DISC1: variants seen among roughly 807,000 people sequenced by gnomAD.
The protein encoded by DISC1 is DISC1 scaffold protein.
DISC1 carries 57 observed loss-of-function variants against 84.5 expected under a neutral mutation model. That is an observed-to-expected ratio of 0.67 (90% CI 0.55 to 0.84). The LOEUF (loss-of-function observed/expected upper bound fraction) is 0.84. DISC1 is among the 40% of genes least tolerant of loss of function. DISC1 has a pLI of 0.00. For synonymous variants in DISC1, 411 were observed against 415.2 expected (o/e 0.99, Z 0.12); for missense variants, 1,000 against 1,057.8 (o/e 0.95, Z 0.76).
chr1:231,634,928 A>G (rs1362781752), intron 1 of DISC1, among the ~76,000 whole-genome samples: 1 of 151,908 alleles, frequency 6.6e-6, no homozygotes, highest in Non-Finnish European at 1.5e-5. Flanking sequence ...TCTCAAAAAA[A>G]AAATGAAAAA....
intron 9 of DISC1, among the ~76,000 whole-genome samples, chr1:231,908,536 T>G (rs1315445651): frequency 6.6e-6 from 1 of 152,194 alleles, no homozygotes; most frequent in Non-Finnish European, 1.5e-5. Context: ...TTGGTCTATA[T>G]CTCTGTTTTG....
rs553093247 is a variant in DISC1 at position 231,809,370 on chromosome 1, G to A, written c.1793-8959G>A. Among the ~76,000 whole-genome samples, 334 of 151,864 alleles carry A rather than the reference G, an allele frequency of 2.2e-3. 2 individuals carry two copies. The highest frequency in any genetic ancestry group is 7.6e-3 in the African/African-American group (317 of 41,446). On this transcript the variant is annotated intron_variant, in intron 8 of 12. Coordinates refer to ENST00000439617, the MANE Select transcript of DISC1 (RefSeq NM_018662.3). Reference sequence around the variant, plus strand: ...AGACATCTGCCTGGTTCTTAGATTGGCCATCTTTGGTCTCACCTCAGTTTG... The same window carrying A: ...AGACATCTGCCTGGTTCTTAGATTGACCATCTTTGGTCTCACCTCAGTTTG...
rs3737597 is a variant in DISC1, at chr1:232,037,092, G to A, written c.*261G>A. The A allele has an allele frequency of 0.038, 10,510 of 277,472 alleles. 427 individuals are homozygous for A. The highest frequency in any genetic ancestry group is 0.18 in the East Asian group (2,804 of 15,624). 17.2% of individuals were successfully genotyped at this position (277,472 alleles called of 1,614,324 possible). A position where few individuals can be genotyped will look rare whatever the true frequency, so the allele number is the denominator to read the frequency against. On this transcript the variant is annotated 3_prime_UTR_variant, in exon 13 of 13. Coordinates refer to ENST00000439617, the MANE Select transcript of DISC1 (RefSeq NM_018662.3). Reference sequence around the variant, plus strand: ...AAATTTCTTTTCCATGTCATTCTTGGGAATGTCTTCCACAGGATTTGAGAA... The same window carrying A: ...AAATTTCTTTTCCATGTCATTCTTGAGAATGTCTTCCACAGGATTTGAGAA...
intron 1 of DISC1, among the ~76,000 whole-genome samples, chr1:231,642,508 G>C (rs904134825): frequency 6.6e-6 from 1 of 152,258 alleles, no homozygotes; most frequent in Admixed American, 6.5e-5. Flanking sequence ...AGATGATTCA[G>C]TGTGGATGAT....
chr1:231,711,453 G>A lies in DISC1; in HGVS notation c.1117+9429G>A, dbSNP rs546643767. On this transcript the variant is annotated intron_variant, in intron 3 of 12. Coordinates refer to ENST00000439617, the MANE Select transcript of DISC1 (RefSeq NM_018662.3). The stretch of plus-strand genomic sequence containing the variant: ...TGGCTCACTGCAAGCTCCGCCTCCC[G>A]GGTTCATGCCACTCTCCTGCCTCAG... 8.8e-5 allele frequency among the ~76,000 whole-genome samples: 13 copies of A among 148,474 alleles called. 2 individuals carry two copies. The highest frequency in any genetic ancestry group is 2.0e-4 in the African/African-American group (8 of 39,944).
chr1:232,024,923 T>A (rs1292328874), intron 11 of DISC1, among the ~76,000 whole-genome samples: 3 of 152,218 alleles, frequency 2.0e-5, no homozygotes, highest in Non-Finnish European at 4.4e-5. Flanking sequence ...TCTAAGCTTT[T>A]CACTCTTAGT....
At position 231,950,204 on chromosome 1, in the gene DISC1, C is replaced by CTGTGTGTGTGTGTGTGTGTG. The variant is rs59801477; in HGVS notation, c.1982-8599_1982-8580dup. Among the ~76,000 whole-genome samples the CTGTGTGTGTGTGTGTGTGTG allele has an allele frequency of 4.3e-5, 6 of 139,524 alleles. No homozygotes were observed. In the East Asian group the frequency reaches 6.4e-4, roughly 15 times the overall value. 91.5% of individuals were successfully genotyped at this position (139,524 alleles called of 152,430 possible). On this transcript the variant is annotated intron_variant, in intron 9 of 12. Transcript: ENST00000439617. Reference sequence around the variant, plus strand: ...CTATAAAAAAGAATGAAAAAAAATTCTGTGTGTGTGTGTGTGTGTGTGTGT... The same window carrying CTGTGTGTGTGTGTGTGTGTG: ...CTATAAAAAAGAATGAAAAAAAATTCTGTGTGTGTGTGTGTGTGTGTGTGTGTGTGTGTGTGTGTGTGTGT...
rs2065989149 is a variant in DISC1 at position 231,698,499 on chromosome 1, T to C, written c.1048-3456T>C. ...AATGAAGGACTCTGCCTGTAGAGTA[T>C]TATAGGACGTTCCACAGGCAGGGTT... On this transcript the variant is annotated intron_variant, in intron 2 of 12. Coordinates refer to ENST00000439617, the MANE Select transcript of DISC1 (RefSeq NM_018662.3). This position sits in a 1 kb window ranked among gnomAD's most constrained non-coding sequence, Gnocchi z 4.9. 6.6e-6 allele frequency among the ~76,000 whole-genome samples: 1 copy of C among 152,078 alleles called. No individual in the cohort carries two copies. The highest frequency in any genetic ancestry group is 6.5e-5 in the Admixed American group (1 of 15,272).
chr1:231,973,216 T>G (rs1255758986), intron 10 of DISC1, among the ~76,000 whole-genome samples: 2 of 152,122 alleles, frequency 1.3e-5, no homozygotes, highest in Non-Finnish European at 1.5e-5. Context: ...CTGGCTAATC[T>G]TTGTATTTTT....
chr1:231,657,888 G>A (rs980543522), intron 1 of DISC1, among the ~76,000 whole-genome samples: 1 of 152,160 alleles, frequency 6.6e-6, no homozygotes, highest in African/African-American at 2.4e-5. Context: ...CTGTAGCCTT[G>A]CAGTATAGTT....
rs1343242060 is a variant in DISC1, at chr1:231,886,796, T to TTTCC, written c.1981+68282_1981+68283insCTTC. Reference sequence around the variant, plus strand: ...CTTTCTTTCTTTCTTTCTTTCTTTCTTTCTTTCTTTCTTTCTTTCTTTCTT... The same window carrying TTTCC: ...CTTTCTTTCTTTCTTTCTTTCTTTCTTTCCTTCTTTCTTTCTTTCTTTCTTTCTT... On this transcript the variant is annotated intron_variant, in intron 9 of 12. Transcript: ENST00000439617. Among the ~76,000 whole-genome samples the TTTCC allele has an allele frequency of 9.4e-4, 132 of 140,884 alleles. 1 individual carries two copies. Among genetic ancestry groups the TTTCC allele is most frequent in the African/African-American group, 3.5e-3 (126 of 35,662 alleles). The allele number at this position is 140,884 out of a possible 152,430, so 92.4% of individuals were successfully genotyped here. A position where few individuals can be genotyped will look rare whatever the true frequency, so the allele number is the denominator to read the frequency against.
intron 9 of DISC1, among the ~76,000 whole-genome samples, chr1:231,883,388 T>C (rs1033542351): frequency 2.0e-5 from 3 of 151,826 alleles, no homozygotes; most frequent in Non-Finnish European, 2.9e-5. Context: ...GGTAGTGGTG[T>C]GGAGAGGGGC....
At chr1:231,801,992 G>T (rs1208289828) in intron 8 of DISC1, among the ~76,000 whole-genome samples, 1 of 151,836 alleles carries the variant, frequency 6.6e-6, no homozygotes, top group Non-Finnish European at 1.5e-5. Flanking sequence ...CTAATTTTTT[G>T]TATTTTTAGT....
chr1:231,899,261 G>C (rs1328122952), intron 9 of DISC1, among the ~76,000 whole-genome samples: 1 of 152,162 alleles, frequency 6.6e-6, no homozygotes, highest in Non-Finnish European at 1.5e-5. Context: ...TGGGCTTGTT[G>C]GAAACACAGG....
At chr1:231,980,883 A>C (rs1015957180) in intron 10 of DISC1, among the ~76,000 whole-genome samples, 3 of 152,194 alleles carry the variant, frequency 2.0e-5, no homozygotes, top group African/African-American at 7.2e-5. Flanking sequence ...TTTACTCAAC[A>C]ATTTCAAGAG....
chr1:231,877,882 A>G (rs2086010886), intron 9 of DISC1, among the ~76,000 whole-genome samples: 2 of 152,230 alleles, frequency 1.3e-5, no homozygotes, highest in Admixed American at 6.5e-5. Context: ...CTTAATAGCT[A>G]AATTCAAAGA....
At chr1:231,683,185 T>A (rs1321406667) in intron 1 of DISC1, among the ~76,000 whole-genome samples, 2 of 152,308 alleles carry the variant, frequency 1.3e-5, no homozygotes, top group East Asian at 3.9e-4. Context: ...AGAGAGAGTA[T>A]TCTGCAAAGC....
chr1:232,018,047 G>A (rs1475514), intron 11 of DISC1, among the ~76,000 whole-genome samples: 96,302 of 152,042 alleles, frequency 0.63, 31,091 homozygotes, highest in East Asian at 0.79. Flanking sequence ...TGTATGCTCT[G>A]TTAGGTGTGG....
chr1:231,777,625 C>T (rs2077051995), intron 6 of DISC1, among the ~76,000 whole-genome samples: 1 of 152,164 alleles, frequency 6.6e-6, no homozygotes, highest in African/African-American at 2.4e-5. Context: ...GTGAGCAATG[C>T]TGGCCAGATG....
Sources: gnomAD v4.1 joint callset for allele counts (sites outside exome capture counted in the v4.1 genomes callset) on GRCh38, gnomAD v4.1.1 for gene constraint, Gnocchi (gnomAD v3.1) non-coding constraint, MANE v1.5 for transcripts, NCBI Gene and HGNC (gene_info 2026-07-23, HGNC 2026-07-21) for gene names.